Variants in MIB1 observed in about 807,000 individuals in gnomAD.
MIB1 encodes MIB E3 ubiquitin protein ligase 1.
Under a neutral mutation model 124.5 loss-of-function variants are expected in MIB1, and 278 were observed. The ratio of observed to expected loss-of-function variants is 2.23; its 90% confidence interval spans 2.02 to 2.47. MIB1 has a LOEUF of 2.47. Among genes scored for constraint, MIB1 ranks in the 30% most tolerant of loss-of-function variants. MIB1 has a pLI of 0.00. For synonymous variants in MIB1, 446 were observed against 429.4 expected (o/e 1.04, Z -0.48); for missense variants, 957 against 1,254.4 (o/e 0.76, Z 3.58).
intron 1 of MIB1, among the ~76,000 whole-genome samples, chr18:21,744,893 A>G (rs1265907670): frequency 2.0e-5 from 3 of 152,198 alleles, no homozygotes; most frequent in South Asian, 4.1e-4. Flanking sequence ...TATCTTACAT[A>G]TTATTGTGAA....
At chr18:21,841,693 C>T (rs1052406601) in intron 13 of MIB1, among the ~76,000 whole-genome samples, 2 of 152,024 alleles carry the variant, frequency 1.3e-5, no homozygotes, top group Non-Finnish European at 1.5e-5. Context: ...ATATATTTAT[C>T]ATGTGACTCA....
intron 1 of MIB1, among the ~76,000 whole-genome samples, chr18:21,745,469 A>G (rs2040900894): frequency 6.6e-6 from 1 of 152,192 alleles, no homozygotes; most frequent in African/African-American, 2.4e-5. Flanking sequence ...ATTGCTCCCA[A>G]TTGAGACTCA....
Position 21,798,243 on chromosome 18 carries a change from G to T in MIB1, c.1237+15G>T, listed in dbSNP as rs925036547. The T allele has an allele frequency of 2.5e-6, 4 of 1,611,366 alleles. No individual in the cohort carries two copies. The highest frequency in any genetic ancestry group is 3.4e-6 in the Non-Finnish European group (4 of 1,178,346). On this transcript the variant is annotated intron_variant, in intron 8 of 20. Transcript: ENST00000261537. ...TGCATCTGGTGGTATGTTTTATATT[G>T]TGTTTCTTTAAGAGTAATGTGGTTT...
intron 1 of MIB1, among the ~76,000 whole-genome samples, chr18:21,742,249 C>A (rs2040862306): frequency 6.6e-6 from 1 of 150,660 alleles, no homozygotes; most frequent in Non-Finnish European, 1.5e-5. Context: ...GCCAAGGGGC[C>A]TTGGTACCTC....
Position 21,843,201 on chromosome 18 carries a change from A to G in MIB1, c.2033A>G (p.His678Arg). ...CTACACCTTGCTGTTGAACGACAGC[A>G]TACCCAGATTGTTAGGGTAAAGTAT... ...TALHLAVERQ[H>R]TQIVRLLVRA... Residue 678 changes from histidine (H) to arginine (R), a missense_variant, in exon 14 of 21, where the codon CAT (histidine) becomes CGT (arginine). By Grantham distance (29) the His-to-Arg change is conservative. Transcript: ENST00000261537. The G allele has an allele frequency of 1.3e-6, 2 of 1,591,598 alleles. No homozygotes were observed. Among genetic ancestry groups the G allele is most frequent in the Non-Finnish European group, 8.5e-7 (1 of 1,171,722 alleles).
At chr18:21,806,220 T>A (rs2041704849) in intron 10 of MIB1, among the ~76,000 whole-genome samples, 1 of 151,670 alleles carries the variant, frequency 6.6e-6, no homozygotes. Flanking sequence ...TTTTTTTTTT[T>A]TGATACAGGG....
chr18:21,779,441 G>GT (rs149227017), intron 5 of MIB1, 40 bp from the exon 6 acceptor site: 14 of 1,548,016 alleles, frequency 9.0e-6, no homozygotes, highest in African/African-American at 1.4e-5. Context: ...TTGTTGTGAG[G>GT]TTTTTTTCTC....
chr18:21,832,839 A>G (rs2041996637), intron 12 of MIB1, among the ~76,000 whole-genome samples: 1 of 152,218 alleles, frequency 6.6e-6, no homozygotes, highest in Non-Finnish European at 1.5e-5. Context: ...CTCAGAGTAT[A>G]AAGTAGGTTA....
intron 20 of MIB1, among the ~76,000 whole-genome samples, chr18:21,861,686 G>A (rs969959307): frequency 2.0e-5 from 3 of 149,296 alleles, no homozygotes; most frequent in Admixed American, 6.7e-5. Context: ...GAAAACATTC[G>A]AATAACTCTG....
At chr18:21,766,172 T>G (rs770406533) in intron 2 of MIB1, among the ~76,000 whole-genome samples, 3 of 152,192 alleles carry the variant, frequency 2.0e-5, no homozygotes, top group Admixed American at 2.0e-4. Context: ...CTATTCTTTC[T>G]CTGGCTTAGA....
At chr18:21,861,330 T>G (rs1412689449) in intron 20 of MIB1, among the ~76,000 whole-genome samples, 1 of 151,982 alleles carries the variant, frequency 6.6e-6, no homozygotes, top group Non-Finnish European at 1.5e-5. Context: ...TTGAAGCTCC[T>G]AGCATCTTGA....
intron 6 of MIB1, among the ~76,000 whole-genome samples, chr18:21,789,291 CTG>C (rs1394306810): frequency 6.6e-6 from 1 of 151,908 alleles, no homozygotes; most frequent in Non-Finnish European, 1.5e-5. Context: ...CCCTGTGAGT[CTG>C]TGTTTCTTGG....
At chr18:21,859,065 G>T (rs539821943) in intron 20 of MIB1, among the ~76,000 whole-genome samples, 1 of 152,298 alleles carries the variant, frequency 6.6e-6, no homozygotes, top group Admixed American at 6.5e-5. Flanking sequence ...AAATGGAACA[G>T]GTTATTGTTT....
At chr18:21,743,544 A>G (rs904804087) in intron 1 of MIB1, among the ~76,000 whole-genome samples, 19 of 152,226 alleles carry the variant, frequency 1.2e-4, no homozygotes, top group Non-Finnish European at 2.4e-4. Flanking sequence ...ACATTTTGGT[A>G]GATGTTGACT....
chr18:21,809,762 A>T (rs1666608134), intron 10 of MIB1, among the ~76,000 whole-genome samples: 1 of 152,146 alleles, frequency 6.6e-6, no homozygotes, highest in Non-Finnish European at 1.5e-5. Flanking sequence ...TCAATGTAAT[A>T]AAAGCCATAT....
intron 18 of MIB1, among the ~76,000 whole-genome samples, chr18:21,853,783 T>C (rs2042201677): frequency 6.6e-6 from 1 of 152,194 alleles, no homozygotes; most frequent in Non-Finnish European, 1.5e-5. Context: ...TTGCTTTTCA[T>C]ATTGCCCTTG....
chr18:21,784,694 C>G (rs533273298), intron 6 of MIB1, among the ~76,000 whole-genome samples: 2 of 152,228 alleles, frequency 1.3e-5, no homozygotes, highest in South Asian at 4.1e-4. Flanking sequence ...TGAGAAGTGA[C>G]CAGAAGAGAA....
intron 6 of MIB1, among the ~76,000 whole-genome samples, chr18:21,783,687 TC>T (rs1055075430): frequency 3.3e-5 from 5 of 152,100 alleles, no homozygotes; most frequent in African/African-American, 9.6e-5. Flanking sequence ...CTTGCCCTCT[TC>T]CTTTGTGGTT....
intron 1 of MIB1, among the ~76,000 whole-genome samples, chr18:21,750,934 C>T (rs564588786): frequency 1.3e-5 from 2 of 152,228 alleles, no homozygotes; most frequent in South Asian, 2.1e-4. Context: ...CAGTGGCTGA[C>T]GCCTGTAATC....
Sources: gnomAD v4.1 joint callset for allele counts (sites outside exome capture counted in the v4.1 genomes callset) on GRCh38, gnomAD v4.1.1 for gene constraint, MANE v1.5 for transcripts, NCBI Gene and HGNC (gene_info 2026-07-23, HGNC 2026-07-21) for gene names.